CPNE4: variants seen among roughly 807,000 people sequenced by gnomAD.
The protein encoded by CPNE4 is copine-4.
In CPNE4, 25 loss-of-function variants were observed where a neutral mutation model predicts 67.9. That is an observed-to-expected ratio of 0.37 (90% CI 0.27 to 0.51). The LOEUF is 0.51. Ranked by LOEUF, CPNE4 falls within the 20% of genes least tolerant of loss-of-function variation. The pLI, the probability that CPNE4 is intolerant of heterozygous loss-of-function variation, is 0.93. For synonymous variants in CPNE4, 242 were observed against 244.9 expected (o/e 0.99, Z 0.11); for missense variants, 464 against 690.8 (o/e 0.67, Z 3.68).
intron 2 of CPNE4, among the ~76,000 whole-genome samples, chr3:131,808,945 C>T (rs1349198071): frequency 6.6e-6 from 1 of 152,088 alleles, no homozygotes; most frequent in Non-Finnish European, 1.5e-5. Context: ...ATGGACGGAA[C>T]ATGTATCTTT....
chr3:131,806,928 C>A (rs2084339361), intron 2 of CPNE4, among the ~76,000 whole-genome samples: 1 of 152,170 alleles, frequency 6.6e-6, no homozygotes, highest in Admixed American at 6.5e-5. Flanking sequence ...ATTGCTTAAA[C>A]AGAGACAGGA....
intron 1 of CPNE4, among the ~76,000 whole-genome samples, chr3:131,946,418 A>T (rs542916911): frequency 6.6e-6 from 1 of 152,294 alleles, no homozygotes; most frequent in East Asian, 1.9e-4. Flanking sequence ...TTGTTTATTC[A>T]TTCACCTGTT....
At chr3:131,539,003 C>T (rs2107624107) in intron 15 of CPNE4, 1 of 152,264 alleles carries the variant, frequency 6.6e-6, no homozygotes, top group East Asian at 1.9e-4. Context: ...AACTTGTGCC[C>T]TGTAAGCTCT....
intron 1 of CPNE4, among the ~76,000 whole-genome samples, chr3:131,940,092 A>G (rs1260192857): frequency 1.3e-5 from 2 of 152,120 alleles, no homozygotes; most frequent in Admixed American, 1.3e-4. Flanking sequence ...GAAGCTGAGT[A>G]TAAGTAATAA....
intron 7 of CPNE4, among the ~76,000 whole-genome samples, chr3:131,602,117 A>C (rs978471628): frequency 6.6e-6 from 1 of 152,188 alleles, no homozygotes; most frequent in Admixed American, 6.5e-5. Flanking sequence ...GGGTTACAAG[A>C]ATCTGCCTTT....
intron 1 of CPNE4, among the ~76,000 whole-genome samples, chr3:131,973,763 G>A (rs1327960364): frequency 6.6e-6 from 1 of 152,172 alleles, no homozygotes; most frequent in African/African-American, 2.4e-5. Flanking sequence ...GAATGGGCAT[G>A]AATTTTTATC....
At chr3:131,639,321 T>C (rs775933953) in intron 7 of CPNE4, among the ~76,000 whole-genome samples, 9 of 151,592 alleles carry the variant, frequency 5.9e-5, no homozygotes, top group Non-Finnish European at 1.2e-4. Flanking sequence ...TAGAAAAAAA[T>C]TGGTAGATGT....
rs540013222 is a variant in CPNE4 at position 131,616,708 on chromosome 3, A to C, written c.682-29126T>G. Among the ~76,000 whole-genome samples the C allele has an allele frequency of 2.1e-3, 317 of 152,286 alleles. 3 individuals carry two copies. The highest frequency in any genetic ancestry group is 7.3e-3 in the African/African-American group (302 of 41,546). On this transcript the variant is annotated intron_variant, in intron 7 of 15. Coordinates refer to ENST00000429747, the MANE Select transcript of CPNE4 (RefSeq NM_130808.3). The stretch of plus-strand genomic sequence containing the variant: ...CTTGTTGATCCCTCCCAACCAATGA[A>C]TCAGTATGGTAAAATCTGTACAGCT...
At chr3:132,000,285 T>C (rs2073398295) in intron 1 of CPNE4, among the ~76,000 whole-genome samples, 1 of 151,966 alleles carries the variant, frequency 6.6e-6, no homozygotes, top group African/African-American at 2.4e-5. Flanking sequence ...AGATACTAAA[T>C]GGAGGGAAGG....
At chr3:131,959,802 A>G (rs1014262244) in intron 1 of CPNE4, among the ~76,000 whole-genome samples, 2 of 152,094 alleles carry the variant, frequency 1.3e-5, no homozygotes, top group Non-Finnish European at 2.9e-5. Context: ...CACTCACACA[A>G]AGCCACCTAA....
At chr3:131,584,158 C>G (rs1474755551) in intron 8 of CPNE4, among the ~76,000 whole-genome samples, 1 of 152,086 alleles carries the variant, frequency 6.6e-6, no homozygotes, top group Non-Finnish European at 1.5e-5. Flanking sequence ...TTCTCTGATG[C>G]TACATACTGA....
intron 2 of CPNE4, among the ~76,000 whole-genome samples, chr3:131,799,194 A>T (rs2084003833): frequency 6.6e-6 from 1 of 152,202 alleles, no homozygotes; most frequent in African/African-American, 2.4e-5. Context: ...TCGAGTTAGG[A>T]AAGACACAAT....
intron 1 of CPNE4, among the ~76,000 whole-genome samples, chr3:131,960,060 G>A (rs970997519): frequency 6.6e-6 from 1 of 150,924 alleles, no homozygotes; most frequent in Non-Finnish European, 1.5e-5. Flanking sequence ...TGAGGCATAT[G>A]GACATGAGCG....
intron 2 of CPNE4, among the ~76,000 whole-genome samples, chr3:131,725,159 G>A (rs1395334265): frequency 6.6e-6 from 1 of 152,184 alleles, no homozygotes; most frequent in Non-Finnish European, 1.5e-5. Flanking sequence ...TAAAGGGAAA[G>A]CAGTTCTTAA....
intron 2 of CPNE4, among the ~76,000 whole-genome samples, chr3:131,879,569 G>T (rs1285698002): frequency 2.0e-5 from 3 of 151,926 alleles, no homozygotes; most frequent in African/African-American, 7.3e-5. Flanking sequence ...CCCACTGAGT[G>T]CTATTGAACA....
At chr3:131,696,673 C>G (rs903402980) in intron 4 of CPNE4, 57 bp from the exon 5 acceptor site, 1 of 1,499,328 alleles carries the variant, frequency 6.7e-7, no homozygotes, top group African/African-American at 1.4e-5. Context: ...AGCTCCAGAA[C>G]CCATGAGCAA....
intron 7 of CPNE4, among the ~76,000 whole-genome samples, chr3:131,645,023 T>C (rs2079629774): frequency 6.6e-6 from 1 of 152,170 alleles, no homozygotes. Context: ...CCAACAGAGA[T>C]GCTGGAGGTT....
At chr3:131,641,961 G>A (rs2079551335) in intron 7 of CPNE4, among the ~76,000 whole-genome samples, 1 of 152,200 alleles carries the variant, frequency 6.6e-6, no homozygotes, top group East Asian at 1.9e-4. Context: ...AACTATGAGG[G>A]CGCTAAGGCA....
At chr3:131,810,231 G>A (rs1049882017) in intron 2 of CPNE4, among the ~76,000 whole-genome samples, 17 of 152,004 alleles carry the variant, frequency 1.1e-4, no homozygotes, top group African/African-American at 3.4e-4. Context: ...CTTCTGCACA[G>A]CATAGGAAAC....
Sources: gnomAD v4.1 joint callset for allele counts (sites outside exome capture counted in the v4.1 genomes callset) on GRCh38, gnomAD v4.1.1 for gene constraint, MANE v1.5 for transcripts, NCBI Gene and HGNC (gene_info 2026-07-23, HGNC 2026-07-21) for gene names.